LYPLAL1: variants seen among roughly 807,000 people sequenced by gnomAD.
LYPLAL1 encodes the protein lysophospholipase-like protein 1.
In LYPLAL1, 23 loss-of-function variants were observed where a neutral mutation model predicts 19.7. The observed-to-expected ratio is 1.17, with a 90% confidence interval of 0.84 to 1.65. The LOEUF (loss-of-function observed/expected upper bound fraction) is 1.65, where lower values mean the gene tolerates loss of function less well. Ranked by LOEUF, LYPLAL1 falls within the 40% of genes most tolerant of loss-of-function variation. LYPLAL1 has a pLI of 0.00. For missense variants in LYPLAL1, 355 were observed against 279.4 expected, an observed-to-expected ratio of 1.27 and a Z score of -1.93; for synonymous variants, 119 against 96.3, an observed-to-expected ratio of 1.24 and a Z score of -1.38.
chr1:219,358,829 T>C, the LYPLAL1 span, among the ~76,000 whole-genome samples: 1 of 150,682 alleles, frequency 6.6e-6, no homozygotes, highest in Non-Finnish European at 1.5e-5. Flanking sequence ...AGTGCGTGTG[T>C]GTGTGCGTGT....
chr1:219,305,598 G>A, the LYPLAL1 span, among the ~76,000 whole-genome samples: 155 of 152,264 alleles, frequency 1.0e-3, no homozygotes, highest in African/African-American at 3.5e-3. Context: ...ACTGATGCAC[G>A]CAACTTGATT....
chr1:219,376,510 A>G, the LYPLAL1 span, among the ~76,000 whole-genome samples: 1 of 152,214 alleles, frequency 6.6e-6, no homozygotes. Context: ...GCATTGAAAG[A>G]TACTATCAAC....
At chr1:219,381,643 T>C in the LYPLAL1 span, among the ~76,000 whole-genome samples, 1 of 151,988 alleles carries the variant, frequency 6.6e-6, no homozygotes, top group Non-Finnish European at 1.5e-5. Context: ...ACAGGGAGGG[T>C]TGCATGCAGA....
chr1:219,246,014 T>G, the LYPLAL1 span, among the ~76,000 whole-genome samples: 3 of 152,316 alleles, frequency 2.0e-5, no homozygotes, highest in South Asian at 2.1e-4. Flanking sequence ...TGGTTCATGT[T>G]AGGTTTAATG....
the LYPLAL1 span, among the ~76,000 whole-genome samples, chr1:219,356,882 T>A: frequency 6.6e-6 from 1 of 152,216 alleles, no homozygotes; most frequent in African/African-American, 2.4e-5. Context: ...GAACATATAT[T>A]TGTCATTTGG....
the LYPLAL1 span, among the ~76,000 whole-genome samples, chr1:219,294,306 G>T: frequency 6.6e-6 from 1 of 152,132 alleles, no homozygotes; most frequent in Admixed American, 6.6e-5. Context: ...AAGGATCCTT[G>T]TGGATGTTTA....
the LYPLAL1 span, among the ~76,000 whole-genome samples, chr1:219,304,128 T>G: frequency 9.2e-5 from 14 of 152,318 alleles, no homozygotes; most frequent in South Asian, 6.2e-4. Context: ...TATAATCCTT[T>G]ATACCTCCCA....
intron 3 of LYPLAL1, among the ~76,000 whole-genome samples, chr1:219,209,954 T>G (rs961599124): frequency 1.3e-5 from 2 of 152,116 alleles, no homozygotes; most frequent in African/African-American, 4.8e-5. Flanking sequence ...AAACTACATA[T>G]AGGCATACAT....
the LYPLAL1 span, among the ~76,000 whole-genome samples, chr1:219,290,975 G>T: frequency 6.6e-6 from 1 of 152,114 alleles, no homozygotes; most frequent in African/African-American, 2.4e-5. Context: ...TACTATTACT[G>T]GCTGTAAAAT....
the LYPLAL1 span, among the ~76,000 whole-genome samples, chr1:219,444,706 C>T: frequency 6.6e-6 from 1 of 152,130 alleles, no homozygotes. Flanking sequence ...ATAAATTTCC[C>T]TCTGATTGGT....
intron 3 of LYPLAL1, among the ~76,000 whole-genome samples, chr1:219,196,465 G>GT (rs1657609350): frequency 6.6e-6 from 1 of 152,068 alleles, no homozygotes; most frequent in African/African-American, 2.4e-5. Flanking sequence ...TTTTTTTCAT[G>GT]TTTTTTGGCT....
At chr1:219,174,179 A>C in intron 1 of LYPLAL1, 198 bp downstream of exon 1, 1 of 1,418,578 alleles carries the variant, frequency 7.0e-7, no homozygotes, top group East Asian at 2.6e-5. Flanking sequence ...TCCTCTTTCT[A>C]TCGGGCGGTC....
At chr1:219,288,532 A>T in the LYPLAL1 span, among the ~76,000 whole-genome samples, 2 of 152,152 alleles carry the variant, frequency 1.3e-5, no homozygotes, top group African/African-American at 4.8e-5. Context: ...AGCACAGAAG[A>T]TTTTCAGGGC....
In LYPLAL1 at chr1:219,211,819, G is replaced by A; in HGVS notation, c.*91G>A. On this transcript the variant is annotated 3_prime_UTR_variant, in exon 5 of 5. Transcript: ENST00000366928. ...ATTATAATGATAATTAAAATATTAA[G>A]AAATAACACTTTCCTGACTTTTTTA... 1 of 809,740 alleles carries A rather than the reference G, an allele frequency of 1.2e-6. No homozygotes were observed. Among genetic ancestry groups the A allele is most frequent in the Non-Finnish European group, 1.9e-6 (1 of 529,064 alleles). The allele number at this position is 809,740 out of a possible 1,614,324, so 50.2% of individuals were successfully genotyped here.
the LYPLAL1 span, among the ~76,000 whole-genome samples, chr1:219,401,736 G>A: frequency 7.2e-5 from 11 of 152,084 alleles, no homozygotes; most frequent in Admixed American, 2.6e-4. Flanking sequence ...TCCATAAGTA[G>A]CAAAATGTAT....
At chr1:219,431,178 GT>G in the LYPLAL1 span, among the ~76,000 whole-genome samples, 1 of 152,176 alleles carries the variant, frequency 6.6e-6, no homozygotes, top group Admixed American at 6.5e-5. Context: ...ATGAAGGATG[GT>G]TAAGAAGCCA....
chr1:219,338,296 T>A, the LYPLAL1 span, among the ~76,000 whole-genome samples: 2 of 152,014 alleles, frequency 1.3e-5, no homozygotes, highest in African/African-American at 4.8e-5. Flanking sequence ...AACTTGGGAA[T>A]GAGGCCAAGA....
the LYPLAL1 span, among the ~76,000 whole-genome samples, chr1:219,287,073 T>C: frequency 6.6e-6 from 1 of 152,318 alleles, no homozygotes; most frequent in Admixed American, 6.5e-5. Flanking sequence ...GGTTAGTTCA[T>C]CATTTTGCTC....
the LYPLAL1 span, among the ~76,000 whole-genome samples, chr1:219,408,013 G>C: frequency 4.1e-3 from 621 of 152,170 alleles, 7 homozygotes; most frequent in African/African-American, 0.015. Flanking sequence ...CTCCCAATGC[G>C]AACACATTGG....
Sources: allele counts gnomAD v4.1 joint callset (sites outside exome capture counted in the v4.1 genomes callset), GRCh38; gene constraint gnomAD v4.1.1; transcripts MANE v1.5; gene names NCBI Gene and HGNC (gene_info 2026-07-23, HGNC 2026-07-21).